The following HS3ST4 variants were observed in gnomAD, a reference collection of about 807,000 sequenced individuals.
The protein encoded by HS3ST4 is heparan sulfate glucosamine 3-O-sulfotransferase 4.
In HS3ST4, 17 loss-of-function variants were observed where a neutral mutation model predicts 29.2. The observed-to-expected ratio is 0.58, with a 90% CI of 0.40 to 0.87. The LOEUF is 0.87. Ranked by LOEUF, HS3ST4 falls within the 40% of genes least tolerant of loss-of-function variation. HS3ST4 has a pLI of 0.00. For synonymous variants in HS3ST4, 314 were observed against 285.7 expected (o/e 1.10, Z -1.00); for missense variants, 627 against 634.5 (o/e 0.99, Z 0.13).
chr16:25,948,257 G>T (rs187572872), intron 1 of HS3ST4, among the ~76,000 whole-genome samples: 1 of 152,068 alleles, frequency 6.6e-6, no homozygotes, highest in East Asian at 1.9e-4. Flanking sequence ...GCCATGAAAC[G>T]TGATCATTCA....
intron 1 of HS3ST4, among the ~76,000 whole-genome samples, chr16:26,043,317 C>A (rs993308652): frequency 1.3e-5 from 2 of 152,104 alleles, no homozygotes; most frequent in Non-Finnish European, 2.9e-5. Context: ...GAATCTGAAC[C>A]CTTTCATGCG....
chr16:25,727,108 G>A (rs889429192), intron 1 of HS3ST4, among the ~76,000 whole-genome samples: 2 of 152,126 alleles, frequency 1.3e-5, no homozygotes, highest in Middle Eastern at 6.8e-3. Flanking sequence ...TGTAAGAACA[G>A]GTATGTACTT....
chr16:25,850,453 G>A (rs902131607), intron 1 of HS3ST4, among the ~76,000 whole-genome samples: 5 of 152,096 alleles, frequency 3.3e-5, no homozygotes, highest in African/African-American at 1.2e-4. Context: ...GAAATGCCTA[G>A]CCCCCCAAAT....
At chr16:25,939,084 A>AAACG (rs1358213134) in intron 1 of HS3ST4, among the ~76,000 whole-genome samples, 6 of 152,026 alleles carry the variant, frequency 3.9e-5, no homozygotes, top group African/African-American at 1.4e-4. Context: ...AACCACTATT[A>AAACG]ATTGTTTGGC....
At chr16:26,031,273 C>T (rs138916399) in intron 1 of HS3ST4, among the ~76,000 whole-genome samples, 1 of 152,040 alleles carries the variant, frequency 6.6e-6, no homozygotes, top group Non-Finnish European at 1.5e-5. Flanking sequence ...CTCCCCGCCC[C>T]GGGAAGAACC....
chr16:26,030,938 C>T (rs72778366), intron 1 of HS3ST4, among the ~76,000 whole-genome samples: 5,835 of 152,292 alleles, frequency 0.038, 136 homozygotes, highest in Middle Eastern at 0.15. Flanking sequence ...GGGGTTTTGC[C>T]TGCTTTATTC....
intron 1 of HS3ST4, among the ~76,000 whole-genome samples, chr16:26,131,757 A>G (rs1252065324): frequency 2.0e-5 from 3 of 152,130 alleles, no homozygotes; most frequent in Non-Finnish European, 4.4e-5. Context: ...GAAAGTGGGG[A>G]AAAGGAAGAT....
chr16:25,945,287 T>C (rs186078837), intron 1 of HS3ST4, among the ~76,000 whole-genome samples: 1 of 152,188 alleles, frequency 6.6e-6, no homozygotes, highest in Non-Finnish European at 1.5e-5. Flanking sequence ...ATAAATTGCT[T>C]TTTCCCCCCT....
chr16:26,106,823 G>A (rs1323221127), intron 1 of HS3ST4, among the ~76,000 whole-genome samples: 1 of 152,152 alleles, frequency 6.6e-6, no homozygotes, highest in Non-Finnish European at 1.5e-5. Context: ...ATCCTTCATG[G>A]AGTCACCTTC....
intron 1 of HS3ST4, among the ~76,000 whole-genome samples, chr16:25,734,965 C>G (rs2141595249): frequency 6.6e-6 from 1 of 152,320 alleles, no homozygotes; most frequent in South Asian, 2.1e-4. Flanking sequence ...GGAATGTTCT[C>G]TACAAAGGAG....
At chr16:25,991,749 C>G (rs1008818923) in intron 1 of HS3ST4, among the ~76,000 whole-genome samples, 4 of 152,150 alleles carry the variant, frequency 2.6e-5, no homozygotes, top group African/African-American at 9.7e-5. Flanking sequence ...GGGCCGGGTG[C>G]GGTGGCTCAC....
chr16:25,692,813 C>T lies in HS3ST4; in HGVS notation c.396C>T (p.Gly132=), dbSNP rs1966264935. 2 of 1,383,308 alleles carry T rather than the reference C, an allele frequency of 1.4e-6. No homozygotes were observed. Among genetic ancestry groups the T allele is most frequent in the Middle Eastern group, 2.6e-4 (1 of 3,798 alleles). The allele number at this position is 1,383,308 out of a possible 1,614,324, so 85.7% of individuals were successfully genotyped here. A position where few individuals can be genotyped will look rare whatever the true frequency, so the allele number is the denominator to read the frequency against. ...GTDGWGLPSG[G]GGAQDAWLRT... The stretch of plus-strand genomic sequence containing the variant: ...ACGGCTGGGGGCTGCCGAGCGGCGG[C>T]GGAGGCGCCCAGGACGCCTGGCTCC... The change falls in exon 1 of 2, where the codon GGC becomes GGT. Residue 132 remains glycine, a synonymous_variant. Transcript: ENST00000331351.
intron 1 of HS3ST4, among the ~76,000 whole-genome samples, chr16:25,981,232 C>A (rs1969001302): frequency 6.6e-6 from 1 of 151,978 alleles, no homozygotes; most frequent in Non-Finnish European, 1.5e-5. Flanking sequence ...TGACGCTTGC[C>A]TGTAATCTCA....
chr16:25,886,333 C>G (rs1190930431), intron 1 of HS3ST4, among the ~76,000 whole-genome samples: 3 of 152,094 alleles, frequency 2.0e-5, no homozygotes, highest in African/African-American at 7.2e-5. Context: ...ATGTCCAGCC[C>G]TTACCGTGTA....
intron 1 of HS3ST4, among the ~76,000 whole-genome samples, chr16:26,107,094 T>C (rs1422153771): frequency 6.6e-6 from 1 of 152,108 alleles, no homozygotes; most frequent in African/African-American, 2.4e-5. Context: ...GTGCCTTGAA[T>C]GGTTCTTTAT....
chr16:25,739,308 C>T (rs141923464), intron 1 of HS3ST4, among the ~76,000 whole-genome samples: 1 of 152,280 alleles, frequency 6.6e-6, no homozygotes, highest in East Asian at 1.9e-4. Flanking sequence ...CGCCACTGGA[C>T]TCCAGCCTGG....
chr16:26,062,758 G>A (rs921778735), intron 1 of HS3ST4: 10 of 218,242 alleles, frequency 4.6e-5, no homozygotes, highest in African/African-American at 1.6e-4. Context: ...TTTAGTCTAC[G>A]TACTTCCCAA....
chr16:25,724,121 A>C, intron 1 of HS3ST4, among the ~76,000 whole-genome samples: 1 of 151,646 alleles, frequency 6.6e-6, no homozygotes, highest in African/African-American at 2.4e-5. Context: ...TCAAAAAAAA[A>C]AAAAAAAAAA....
At chr16:25,954,919 G>A (rs1429172128) in intron 1 of HS3ST4, among the ~76,000 whole-genome samples, 1 of 152,194 alleles carries the variant, frequency 6.6e-6, no homozygotes, top group Non-Finnish European at 1.5e-5. Flanking sequence ...TGGGATGAGA[G>A]AGACCAATGA....
Sources: allele counts gnomAD v4.1 joint callset (sites outside exome capture counted in the v4.1 genomes callset), GRCh38; gene constraint gnomAD v4.1.1; transcripts MANE v1.5; gene names NCBI Gene and HGNC (gene_info 2026-07-23, HGNC 2026-07-21).